EPCAM: variants seen among roughly 807,000 people sequenced by gnomAD.
EPCAM encodes the protein epithelial cell adhesion molecule.
A neutral mutation model predicts 40.0 loss-of-function variants in EPCAM; 39 were observed. The ratio of observed to expected loss-of-function variants is 0.98; its 90% CI spans 0.76 to 1.27. EPCAM has a LOEUF of 1.27. EPCAM is among the 50% of genes most tolerant of loss of function. EPCAM has a pLI of 0.00. For missense variants in EPCAM, 503 were observed against 381.2 expected, an observed-to-expected ratio of 1.32 and a Z score of -2.66; for synonymous variants, 168 against 132.3, an observed-to-expected ratio of 1.27 and a Z score of -1.85.
Position 47,379,869 on chromosome 2 carries a change from AT to A in EPCAM, c.759del (p.Asp253GlufsTer12), listed in dbSNP as rs1671536522. The A allele has an allele frequency of 6.2e-7, 1 of 1,614,200 alleles. No individual in the cohort carries two copies. The highest frequency in any genetic ancestry group is 8.5e-7 in the Non-Finnish European group (1 of 1,180,044). On this transcript the variant is annotated frameshift_variant, in exon 7 of 9. Transcript: ENST00000263735. LOFTEE classifies it high-confidence loss of function. The part of the protein sequence containing the change: ...DPGQTLIYYV[D>X]EKAPEFSMQG... ...GGTCAAACTTTAATTTATTATGTTGATGAAAAAGCACCTGAATTCTCAATGC... is the reference window on the plus strand; with the variant it reads ...GGTCAAACTTTAATTTATTATGTTGAGAAAAAGCACCTGAATTCTCAATGC...
rs187304836 is a variant in EPCAM, at chr2:47,371,428, C to G, written c.76+1847C>G. On this transcript the variant is annotated intron_variant, in intron 1 of 8. Coordinates refer to ENST00000263735, the MANE Select transcript of EPCAM (RefSeq NM_002354.3). ...GGCATGAGCCACCGGTCCGGCATCT[C>G]TTGGTTTATTTGTAAGATGGTGCCT... Among the ~76,000 whole-genome samples, 366 of 152,308 alleles carry G rather than the reference C, an allele frequency of 2.4e-3. 2 individuals are homozygous for G. Among genetic ancestry groups the G allele is most frequent in the African/African-American group, 8.1e-3 (338 of 41,578 alleles).
chr2:47,373,663 T>A, intron 2 of EPCAM, 93 bp downstream of exon 2: 1 of 1,444,352 alleles, frequency 6.9e-7, no homozygotes, highest in Non-Finnish European at 9.6e-7. Flanking sequence ...TTTATTGGCT[T>A]AAATCTGAAT....
At position 47,379,953 on chromosome 2, in the gene EPCAM, C is replaced by G. The variant is rs1170707231; in HGVS notation, c.842C>G (p.Ala281Gly). Residue 281 changes from alanine (A) to glycine (G), a missense_variant, in exon 7 of 9, where the codon GCT becomes GGT. Ala to Gly is a moderately conservative substitution (Grantham distance 60). Transcript: ENST00000263735. Reference protein sequence around the residue: ...VIVVVVIAVVAGIVVLVISRK... With the variant: ...VIVVVVIAVVGGIVVLVISRK... Reference sequence around the variant, plus strand: ...GTGGTTGTGGTGATAGCAGTTGTTGCTGGAATTGTTGTGCTGGTGAGTACA... The same window carrying G: ...GTGGTTGTGGTGATAGCAGTTGTTGGTGGAATTGTTGTGCTGGTGAGTACA... 1 of 1,612,484 alleles carries G rather than the reference C, an allele frequency of 6.2e-7. No homozygotes were observed. The highest frequency in any genetic ancestry group is 8.5e-7 in the Non-Finnish European group (1 of 1,179,200).
chr2:47,379,689 A>G (rs1386529118), intron 6 of EPCAM, 80 bp from the exon 7 acceptor site: 1 of 1,508,592 alleles, frequency 6.6e-7, no homozygotes, highest in African/African-American at 1.4e-5. Context: ...TTCTTTTGGC[A>G]TACAATTTGT....
intron 8 of EPCAM, among the ~76,000 whole-genome samples, chr2:47,386,061 A>G (rs1307250707): frequency 6.6e-6 from 1 of 152,230 alleles, no homozygotes; most frequent in Non-Finnish European, 1.5e-5. Flanking sequence ...AATAGATAGT[A>G]TGGACCTGTT....
intron 1 of EPCAM, among the ~76,000 whole-genome samples, chr2:47,372,559 G>T (rs143258058): frequency 0.021 from 3,204 of 152,086 alleles, 44 homozygotes; most frequent in Non-Finnish European, 0.034. Context: ...GGATCATGAG[G>T]TCAGGAGTTT....
intron 3 of EPCAM, 91 bp downstream of exon 3, chr2:47,374,139 T>A (rs1312839116): frequency 1.4e-6 from 2 of 1,476,886 alleles, no homozygotes; most frequent in East Asian, 2.4e-5. Flanking sequence ...ATTTCATGGT[T>A]TAGAATTCAG....
At chr2:47,381,858 C>G (rs1331253233) in intron 7 of EPCAM, among the ~76,000 whole-genome samples, 1 of 152,118 alleles carries the variant, frequency 6.6e-6, no homozygotes, top group Non-Finnish European at 1.5e-5. Flanking sequence ...CCTCCAATTC[C>G]TGGACTTAAG....
chr2:47,376,991 T>A, intron 4 of EPCAM, 23 bp from the exon 5 acceptor site: 2 of 1,549,744 alleles, frequency 1.3e-6, no homozygotes, highest in South Asian at 2.2e-5. Context: ...TTTTTTTTAA[T>A]ACAGATTTTA....
chr2:47,376,925 A>G, intron 4 of EPCAM, 89 bp from the exon 5 acceptor site: 1 of 846,122 alleles, frequency 1.2e-6, no homozygotes, highest in South Asian at 1.4e-5. Context: ...ACAGTTTTAG[A>G]CCCTGAGCTG....
At chr2:47,380,859 C>A (rs907960281) in intron 7 of EPCAM, among the ~76,000 whole-genome samples, 1 of 151,896 alleles carries the variant, frequency 6.6e-6, no homozygotes, top group African/African-American at 2.4e-5. Flanking sequence ...AAGGCTGAGG[C>A]GGGTAGATCA....
chr2:47,381,422 C>T (rs1489134313), intron 7 of EPCAM, among the ~76,000 whole-genome samples: 1 of 144,486 alleles, frequency 6.9e-6, no homozygotes, highest in Non-Finnish European at 1.5e-5. Context: ...AGAAATCTTA[C>T]TAACACAACA....
At chr2:47,381,969 G>C (rs1263396729) in intron 7 of EPCAM, among the ~76,000 whole-genome samples, 1 of 152,030 alleles carries the variant, frequency 6.6e-6, no homozygotes, top group Non-Finnish European at 1.5e-5. Flanking sequence ...TTCTTGCTAT[G>C]GCTGCCGAGG....
In EPCAM at chr2:47,373,646, A is replaced by T. The variant is rs1671342980; in HGVS notation, c.184+76A>T. The T allele has an allele frequency of 2.1e-6, 3 of 1,442,776 alleles. No homozygotes were observed. In the African/African-American group the frequency reaches 4.2e-5, roughly 20 times the overall value. The allele number at this position is 1,442,776 out of a possible 1,614,324, so 89.4% of individuals were successfully genotyped here. On this transcript the variant is annotated intron_variant, in intron 2 of 8. Transcript: ENST00000263735. ...CTTTAATTGATGTGCCTTGAGTTGG[A>T]AAGAGTTTTATTGGCTTAAATCTGA...
At position 47,379,916 on chromosome 2, in the gene EPCAM, A is replaced by G; in HGVS notation, c.805A>G (p.Ile269Val). 1 of 1,614,068 alleles carries G rather than the reference A, an allele frequency of 6.2e-7. No individual in the cohort carries two copies. Among genetic ancestry groups the G allele is most frequent in the Non-Finnish European group, 8.5e-7 (1 of 1,180,000 alleles). The change falls in exon 7 of 9, where the codon ATT becomes GTT. Residue 269 changes from isoleucine to valine, a missense_variant. Transcript: ENST00000263735. ...FSMQGLKAGV[I>V]AVIVVVVIAV... is the part of the protein sequence containing the mutation. The stretch of plus-strand genomic sequence containing the variant: ...AATGCAGGGTCTAAAAGCTGGTGTT[A>G]TTGCTGTTATTGTGGTTGTGGTGAT...
intron 1 of EPCAM, 137 bp from the exon 2 acceptor site, chr2:47,373,326 A>T: frequency 1.5e-6 from 1 of 666,348 alleles, no homozygotes; most frequent in Non-Finnish European, 2.6e-6. Flanking sequence ...TATAGCTGAA[A>T]AATAAAACAT....
intron 4 of EPCAM, among the ~76,000 whole-genome samples, chr2:47,375,679 C>T (rs1238507271): frequency 6.6e-6 from 1 of 151,626 alleles, no homozygotes; most frequent in Non-Finnish European, 1.5e-5. Flanking sequence ...TTATATAAAC[C>T]ACTATACAAC....
intron 7 of EPCAM, among the ~76,000 whole-genome samples, chr2:47,382,218 G>T (rs1186348605): frequency 6.6e-6 from 1 of 152,126 alleles, no homozygotes; most frequent in Non-Finnish European, 1.5e-5. Context: ...CTTACAAATT[G>T]ATGAGGAAAC....
In EPCAM at chr2:47,377,094, A is replaced by C; in HGVS notation, c.555+17A>C. The C allele has an allele frequency of 6.6e-7, 1 of 1,520,376 alleles. No individual in the cohort carries two copies. Among genetic ancestry groups the C allele is most frequent in the Non-Finnish European group, 9.1e-7 (1 of 1,094,640 alleles). The allele number at this position is 1,520,376 out of a possible 1,614,324, so 94.2% of individuals were successfully genotyped here. A position where few individuals can be genotyped will look rare whatever the true frequency, so the allele number is the denominator to read the frequency against. On this transcript the variant is annotated intron_variant, in intron 5 of 8. Transcript: ENST00000263735. Reference sequence around the variant, plus strand: ...AGTATTTTGGTATGATTTTTTAATAAGTGAGCTTTAGCAGACAGTTGGTGA... The same window carrying C: ...AGTATTTTGGTATGATTTTTTAATACGTGAGCTTTAGCAGACAGTTGGTGA...
Sources: allele counts gnomAD v4.1 joint callset (sites outside exome capture counted in the v4.1 genomes callset), GRCh38; gene constraint gnomAD v4.1.1; transcripts MANE v1.5; gene names NCBI Gene and HGNC (gene_info 2026-07-23, HGNC 2026-07-21).